PTCD2: variants seen among roughly 807,000 people sequenced by gnomAD.
PTCD2 encodes the protein pentatricopeptide repeat-containing protein 2, mitochondrial.
In PTCD2, 31 loss-of-function variants were observed where a neutral mutation model predicts 42.6. That is an observed-to-expected ratio of 0.73 (90% CI 0.55 to 0.98). PTCD2 has a LOEUF of 0.98. Ranked by LOEUF, PTCD2 falls within the 50% of genes least tolerant of loss-of-function variation. The pLI is 0.00. For synonymous variants in PTCD2, 183 were observed against 170.9 expected (o/e 1.07, Z -0.55); for missense variants, 476 against 454.8 (o/e 1.05, Z -0.42).
chr5:72,331,795 C>T lies in PTCD2; in HGVS notation c.468+420C>T, dbSNP rs547595861. ...GCTTTTCTATTTTCAAAATACTTTC[C>T]GTCACATATTCTGACTTTCTGTTCC... On this transcript the variant is annotated intron_variant, in intron 4 of 9. Coordinates refer to ENST00000380639, the MANE Select transcript of PTCD2 (RefSeq NM_024754.5). Among the ~76,000 whole-genome samples, 17 of 152,148 alleles carry T rather than the reference C, an allele frequency of 1.1e-4. No individual in the cohort carries two copies. The South Asian group carries it at 1.9e-3, about 17-fold the overall frequency.
At position 72,360,965 on chromosome 5, in the gene PTCD2, G is replaced by T. The variant is rs1007422476; in HGVS notation, c.*2538G>T. On this transcript the variant is annotated 3_prime_UTR_variant, in exon 10 of 10. Coordinates refer to ENST00000380639, the MANE Select transcript of PTCD2 (RefSeq NM_024754.5). ...GCCTCCCAAAGTGCTGGGATTACAG[G>T]CATGAGCCACCGCACCTGGCCTACT... 6.6e-6 allele frequency: 1 copy of T among 152,184 alleles called. No individual in the cohort carries two copies. The highest frequency in any genetic ancestry group is 1.5e-5 in the Non-Finnish European group (1 of 68,064). The allele number at this position is 152,184 out of a possible 1,614,324, so 9.4% of individuals were successfully genotyped here.
chr5:72,358,259 T>A lies in PTCD2; in HGVS notation c.999T>A (p.Asp333Glu), dbSNP rs376088173. 2.0e-5 allele frequency: 33 copies of A among 1,613,530 alleles called. No individual in the cohort carries two copies. The highest frequency in any genetic ancestry group is 2.7e-5 in the Non-Finnish European group (32 of 1,179,482). ...KDVPALVAKF[D>E]EIYGTLHITG... ...TGCCTGCCCTTGTGGCCAAATTTGA[T>A]GAGATCTATGGGACACTGCACATCA... Residue 333 changes from aspartate to glutamate, a missense_variant, in exon 10 of 10, where the codon GAT becomes GAA. Physicochemically the swap from Asp to Glu is conservative, Grantham distance 45 (BLOSUM62 2). Transcript: ENST00000380639.
intron 6 of PTCD2, among the ~76,000 whole-genome samples, chr5:72,337,565 G>A (rs577184622): frequency 6.6e-6 from 1 of 152,254 alleles, no homozygotes; most frequent in African/African-American, 2.4e-5. Context: ...GGAGGCCGAG[G>A]CAGGCAGATC....
intron 9 of PTCD2, among the ~76,000 whole-genome samples, chr5:72,356,491 T>G (rs1752879348): frequency 1.4e-5 from 1 of 69,506 alleles, no homozygotes; most frequent in Non-Finnish European, 2.7e-5. Flanking sequence ...AGTCCTATAT[T>G]GTAAACGTCT....
At chr5:72,346,583 T>C (rs760643743) in intron 8 of PTCD2, among the ~76,000 whole-genome samples, 1 of 152,138 alleles carries the variant, frequency 6.6e-6, no homozygotes, top group Admixed American at 6.5e-5. Context: ...GAGGCCAAGG[T>C]TGGCAAAGGT....
intron 3 of PTCD2, among the ~76,000 whole-genome samples, chr5:72,329,759 A>T (rs545982140): frequency 2.6e-5 from 4 of 152,254 alleles, no homozygotes; most frequent in African/African-American, 9.6e-5. Context: ...ACAGATGAGG[A>T]GACGGAAGCA....
intron 9 of PTCD2, 106 bp from the exon 10 acceptor site, chr5:72,358,097 C>A: frequency 2.0e-6 from 2 of 1,022,006 alleles, no homozygotes; most frequent in Middle Eastern, 2.2e-4. Flanking sequence ...CCTCGCCTGG[C>A]CTACCATACA....
intron 3 of PTCD2, among the ~76,000 whole-genome samples, chr5:72,330,349 T>G (rs929007898): frequency 2.0e-5 from 3 of 152,196 alleles, no homozygotes; most frequent in African/African-American, 7.2e-5. Context: ...GTAATACTAC[T>G]CTGACTCCTC....
intron 7 of PTCD2, among the ~76,000 whole-genome samples, chr5:72,340,685 T>G (rs555147744): frequency 4.1e-4 from 62 of 152,300 alleles, no homozygotes; most frequent in Admixed American, 3.2e-3. Context: ...TAAATTATTT[T>G]ATTTGCCTGT....
In PTCD2 at chr5:72,359,655, T is replaced by C. The variant is rs1459022484; in HGVS notation, c.*1228T>C. 1 of 152,220 alleles carries C rather than the reference T, an allele frequency of 6.6e-6. No homozygotes were observed. Among genetic ancestry groups the C allele is most frequent in the Non-Finnish European group, 1.5e-5 (1 of 68,038 alleles). The allele number at this position is 152,220 out of a possible 1,614,324, so 9.4% of individuals were successfully genotyped here. On this transcript the variant is annotated 3_prime_UTR_variant, in exon 10 of 10. Transcript: ENST00000380639. ...GGCCCAATCTCAACTGTAGACTGTGTCCCAGTAAGAGAGTCACAGCTTCAG... is the reference window on the plus strand; with the variant it reads ...GGCCCAATCTCAACTGTAGACTGTGCCCCAGTAAGAGAGTCACAGCTTCAG...
At chr5:72,322,771 G>A (rs1750930991) in intron 2 of PTCD2, among the ~76,000 whole-genome samples, 1 of 152,208 alleles carries the variant, frequency 6.6e-6, no homozygotes, top group South Asian at 2.1e-4. Flanking sequence ...AGTACTATGT[G>A]TGATGATACA....
At chr5:72,351,610 C>T (rs1357754274) in intron 8 of PTCD2, among the ~76,000 whole-genome samples, 4 of 152,194 alleles carry the variant, frequency 2.6e-5, no homozygotes, top group South Asian at 2.1e-4. Flanking sequence ...TGGGGGAAGG[C>T]GAAGGAGAAG....
At chr5:72,321,908 A>T (rs1321037600) in intron 1 of PTCD2, among the ~76,000 whole-genome samples, 1 of 152,136 alleles carries the variant, frequency 6.6e-6, no homozygotes, top group Non-Finnish European at 1.5e-5. Context: ...CAGTCCCCAC[A>T]CAGGTTTATC....
intron 6 of PTCD2, among the ~76,000 whole-genome samples, chr5:72,337,502 A>G (rs756607427): frequency 2.0e-5 from 3 of 152,114 alleles, no homozygotes; most frequent in South Asian, 2.1e-4. Context: ...GAGAATTTCA[A>G]TTCTACTTAG....
At chr5:72,330,521 A>G (rs539750926) in intron 3 of PTCD2, among the ~76,000 whole-genome samples, 21 of 152,292 alleles carry the variant, frequency 1.4e-4, no homozygotes, top group Non-Finnish European at 2.5e-4. Flanking sequence ...ATGTGTAATC[A>G]TGAGGTGTTG....
intron 2 of PTCD2, among the ~76,000 whole-genome samples, chr5:72,324,854 A>G (rs1337873764): frequency 6.6e-6 from 1 of 152,168 alleles, no homozygotes; most frequent in Non-Finnish European, 1.5e-5. Flanking sequence ...TGATTATATG[A>G]TAAACAAATG....
chr5:72,336,790 G>A (rs1751767656), intron 6 of PTCD2, among the ~76,000 whole-genome samples: 1 of 151,282 alleles, frequency 6.6e-6, no homozygotes, highest in East Asian at 1.9e-4. Context: ...TTTCTTCAAT[G>A]TTTAGTGAAT....
intron 8 of PTCD2, among the ~76,000 whole-genome samples, chr5:72,349,017 GT>G (rs1752494669): frequency 6.6e-6 from 1 of 152,202 alleles, no homozygotes; most frequent in South Asian, 2.1e-4. Flanking sequence ...AATTGCATTT[GT>G]TTGGGAGCAA....
chr5:72,341,875 T>C (rs1264859295), intron 7 of PTCD2, among the ~76,000 whole-genome samples: 1 of 151,752 alleles, frequency 6.6e-6, no homozygotes, highest in Non-Finnish European at 1.5e-5. Flanking sequence ...ACCCTGTCTC[T>C]ACTGAAAATA....
Sources: gnomAD v4.1 joint callset for allele counts (sites outside exome capture counted in the v4.1 genomes callset) on GRCh38, gnomAD v4.1.1 for gene constraint, MANE v1.5 for transcripts, NCBI Gene and HGNC (gene_info 2026-07-23, HGNC 2026-07-21) for gene names.